Variants in TENM1 observed in about 807,000 individuals in gnomAD.
TENM1 encodes teneurin transmembrane protein 1.
Under a neutral mutation model 174.8 loss-of-function variants are expected in TENM1, and 35 were observed. The observed-to-expected ratio is 0.20, with a 90% CI of 0.15 to 0.27. The LOEUF is 0.27. TENM1 is among the 10% of genes least tolerant of loss of function. The pLI is 1.00. For missense variants in TENM1, 1,633 were observed against 2,130.1 expected (o/e 0.77, Z 4.59); for synonymous variants, 781 against 798.7 (o/e 0.98, Z 0.37).
At chrX:124,576,830 T>C (rs1299594421) in intron 11 of TENM1, among the ~76,000 whole-genome samples, 3 of 111,890 alleles carry the variant, frequency 2.7e-5, no homozygotes, top group Admixed American at 9.5e-5. Flanking sequence ...TTTCAGAAAA[T>C]TCTGACATTA....
the TENM1 span, among the ~76,000 whole-genome samples, chrX:125,186,874 CCTA>C: frequency 8.9e-6 from 1 of 111,964 alleles, no homozygotes; most frequent in African/African-American, 3.2e-5. Flanking sequence ...TATAATGATC[CCTA>C]CTAATTTACT....
the TENM1 span, among the ~76,000 whole-genome samples, chrX:125,084,739 T>C: frequency 9.0e-6 from 1 of 111,253 alleles, no homozygotes; most frequent in Non-Finnish European, 1.9e-5. Context: ...GTTAGGTGTC[T>C]TAACCCAAAG....
chrX:124,864,307 G>C (rs771953760), intron 3 of TENM1, among the ~76,000 whole-genome samples: 25 of 111,889 alleles, frequency 2.2e-4, no homozygotes, highest in Non-Finnish European at 2.6e-4. Flanking sequence ...TCAGACAGAG[G>C]ATCCAAAATA....
At chrX:125,167,093 T>C in the TENM1 span, among the ~76,000 whole-genome samples, 3 of 111,838 alleles carry the variant, frequency 2.7e-5, no homozygotes, top group Admixed American at 9.5e-5. Flanking sequence ...CTGGATGAAC[T>C]AAAAAGTCCC....
At chrX:125,171,960 T>C in the TENM1 span, among the ~76,000 whole-genome samples, 2 of 111,403 alleles carry the variant, frequency 1.8e-5, no homozygotes, top group Non-Finnish European at 3.8e-5. Flanking sequence ...ATATAACAGA[T>C]TCCATGAAGA....
the TENM1 span, among the ~76,000 whole-genome samples, chrX:125,169,247 T>A: frequency 4.5e-5 from 5 of 111,716 alleles, no homozygotes; most frequent in African/African-American, 9.8e-5. Context: ...TGTCACGTAT[T>A]TGTCAGGAGA....
At position 124,571,957 on chromosome X, in the gene TENM1, ATT is replaced by A. The variant is rs1171471978; in HGVS notation, c.2078-6399_2078-6398del. On this transcript the variant is annotated intron_variant, in intron 11 of 31. Transcript: ENST00000422452. ...AATAGGGTAAGAAAAGGAGAAAATG[ATT>A]TTTTTTTTTTTTAAAGGTGGGATGT... is the stretch of plus-strand genomic sequence containing the variant. Among the ~76,000 whole-genome samples the A allele has an allele frequency of 8.9e-3, 915 of 102,912 alleles. 11 individuals are homozygous for A. The highest frequency in any genetic ancestry group is 0.03 in the African/African-American group (849 of 28,471). The allele number at this position is 102,912 out of a possible 115,157, so 89.4% of individuals were successfully genotyped here.
chrX:124,488,705 G>A (rs1242197799), intron 20 of TENM1, among the ~76,000 whole-genome samples: 1 of 112,447 alleles, frequency 8.9e-6, no homozygotes, highest in Non-Finnish European at 1.9e-5. Context: ...GAATGAGTGT[G>A]TTTGAGCCTA....
At chrX:124,841,641 G>C (rs76674521) in intron 3 of TENM1, among the ~76,000 whole-genome samples, 1 of 107,106 alleles carries the variant, frequency 9.3e-6, no homozygotes, top group Non-Finnish European at 1.9e-5. Context: ...AAAAAAAAAG[G>C]AATGGACTTG....
chrX:124,749,973 C>G (rs902498675), intron 3 of TENM1, among the ~76,000 whole-genome samples: 24 of 111,722 alleles, frequency 2.1e-4, no homozygotes, highest in African/African-American at 6.8e-4. Flanking sequence ...ATGTTAGTTA[C>G]TAATATAATT....
At chrX:124,426,274 G>A (rs780728358) in intron 23 of TENM1, among the ~76,000 whole-genome samples, 1 of 111,404 alleles carries the variant, frequency 9.0e-6, no homozygotes, top group South Asian at 3.8e-4. Flanking sequence ...TAGGCTAAAG[G>A]CAGAAAAAAA....
intron 11 of TENM1, among the ~76,000 whole-genome samples, chrX:124,580,406 ATG>A (rs2049273544): frequency 1.8e-5 from 2 of 109,980 alleles, no homozygotes; most frequent in Non-Finnish European, 3.8e-5. Context: ...ATATATATAT[ATG>A]TATATATACA....
chrX:124,859,135 T>C (rs1226249074), intron 3 of TENM1, among the ~76,000 whole-genome samples: 4 of 111,727 alleles, frequency 3.6e-5, no homozygotes, highest in Non-Finnish European at 5.6e-5. Context: ...TTAAATATTT[T>C]TGGAGTCTAG....
intron 3 of TENM1, among the ~76,000 whole-genome samples, chrX:124,833,066 T>C (rs1160773231): frequency 8.9e-6 from 1 of 112,044 alleles, no homozygotes; most frequent in Admixed American, 9.5e-5. Context: ...TTATGTCCTG[T>C]AATGACAGGT....
At position 124,614,984 on chromosome X, in the gene TENM1, A is replaced by G. The variant is rs6648616; in HGVS notation, c.2077+26807T>C. Among the ~76,000 whole-genome samples the G allele has an allele frequency of 2.6e-4, 29 of 112,415 alleles. 1 individual carries two copies. The East Asian group carries it at 8.1e-3, about 32-fold the overall frequency. On this transcript the variant is annotated intron_variant, in intron 11 of 31. Transcript: ENST00000422452. Reference sequence around the variant, plus strand: ...TGCTTCAAGAGCTAGGAACATGCCCAAGATTTAGTATCAGGCCAGTAACTA... The same window carrying G: ...TGCTTCAAGAGCTAGGAACATGCCCGAGATTTAGTATCAGGCCAGTAACTA...
chrX:124,601,785 C>T (rs2050033197), intron 11 of TENM1, among the ~76,000 whole-genome samples: 1 of 110,064 alleles, frequency 9.1e-6, no homozygotes, highest in Admixed American at 9.8e-5. Context: ...TTGTTTGAGG[C>T]TTTTCAGGAA....
intron 22 of TENM1, among the ~76,000 whole-genome samples, chrX:124,454,245 C>T (rs917026280): frequency 9.0e-6 from 1 of 111,398 alleles, no homozygotes; most frequent in Non-Finnish European, 1.9e-5. Context: ...ATTTCAGACT[C>T]CTCTTTGGTA....
At chrX:124,409,646 A>C (rs2060507905) in intron 25 of TENM1, among the ~76,000 whole-genome samples, 1 of 108,385 alleles carries the variant, frequency 9.2e-6, no homozygotes, top group Non-Finnish European at 1.9e-5. Context: ...AAATCTCCTT[A>C]AGCTGATAAG....
chrX:124,892,521 T>C (rs1025662126), intron 3 of TENM1, among the ~76,000 whole-genome samples: 1 of 112,370 alleles, frequency 8.9e-6, no homozygotes, highest in African/African-American at 3.2e-5. Flanking sequence ...AACATGATTT[T>C]GGAAATGTAA....
Sources: gnomAD v4.1 joint callset for allele counts (sites outside exome capture counted in the v4.1 genomes callset) on GRCh38, gnomAD v4.1.1 for gene constraint, MANE v1.5 for transcripts, NCBI Gene and HGNC (gene_info 2026-07-23, HGNC 2026-07-21) for gene names.